CNTN4: variants seen among roughly 807,000 people sequenced by gnomAD.
The protein encoded by CNTN4 is contactin 4.
In CNTN4, 77 loss-of-function variants were observed where a neutral mutation model predicts 122.5. That is an observed-to-expected ratio of 0.63 (90% CI 0.52 to 0.76). CNTN4 has a LOEUF of 0.76. CNTN4 is among the 30% of genes least tolerant of loss of function. CNTN4 has a pLI of 0.00. For synonymous variants in CNTN4, 512 were observed against 447.0 expected, an observed-to-expected ratio of 1.15 and a Z score of -1.83; for missense variants, 1,256 against 1,259.1, an observed-to-expected ratio of 1.00 and a Z score of 0.04.
At chr3:2,133,183 C>T (rs2034530618) in intron 2 of CNTN4, among the ~76,000 whole-genome samples, 1 of 152,124 alleles carries the variant, frequency 6.6e-6, no homozygotes, top group Non-Finnish European at 1.5e-5. Context: ...TCCCTCCTGT[C>T]TGTAATTAAT....
chr3:2,292,031 T>A (rs2042154474), intron 2 of CNTN4, among the ~76,000 whole-genome samples: 1 of 152,174 alleles, frequency 6.6e-6, no homozygotes, highest in Non-Finnish European at 1.5e-5. Flanking sequence ...CCACCGCGCC[T>A]GGCGAACTAT....
At chr3:2,900,629 A>C in intron 10 of CNTN4, 56 bp from the exon 11 acceptor site, 1 of 1,583,894 alleles carries the variant, frequency 6.3e-7, no homozygotes, top group South Asian at 1.1e-5. Flanking sequence ...ATATGATAAA[A>C]ATAGATTGAG....
At chr3:2,730,030 C>T (rs1329518379) in intron 4 of CNTN4, among the ~76,000 whole-genome samples, 1 of 152,234 alleles carries the variant, frequency 6.6e-6, no homozygotes, top group Non-Finnish European at 1.5e-5. Flanking sequence ...ACTCAAGAAT[C>T]TACCTGTTAA....
chr3:2,866,474 A>G (rs988177810), intron 7 of CNTN4: 3 of 1,277,260 alleles, frequency 2.3e-6, no homozygotes, highest in Non-Finnish European at 3.0e-6. Context: ...TTAGCAAACT[A>G]TAAATGCTTA....
chr3:2,620,264 CT>C (rs1276965796), intron 4 of CNTN4, among the ~76,000 whole-genome samples: 11 of 152,108 alleles, frequency 7.2e-5, no homozygotes, highest in Admixed American at 7.2e-4. Context: ...CTTGAGGAAG[CT>C]GAGGTAGGTG....
chr3:2,402,843 C>T (rs2046905395), intron 3 of CNTN4, among the ~76,000 whole-genome samples: 2 of 152,090 alleles, frequency 1.3e-5, no homozygotes, highest in Non-Finnish European at 2.9e-5. Flanking sequence ...GTTCTTTAAG[C>T]AGGTTATACC....
intron 3 of CNTN4, among the ~76,000 whole-genome samples, chr3:2,547,467 T>C (rs924218361): frequency 2.0e-5 from 3 of 152,086 alleles, no homozygotes; most frequent in African/African-American, 4.8e-5. Flanking sequence ...GGTTTCGCCA[T>C]GTTGGCCAGT....
In CNTN4 at chr3:3,056,259, C is replaced by T; in HGVS notation, c.*39C>T. 7.0e-7 allele frequency: 1 copy of T among 1,426,534 alleles called. No homozygotes were observed. The highest frequency in any genetic ancestry group is 9.9e-7 in the Non-Finnish European group (1 of 1,009,304). 88.4% of individuals were successfully genotyped at this position (1,426,534 alleles called of 1,614,324 possible). On this transcript the variant is annotated 3_prime_UTR_variant, in exon 25 of 25. Transcript: ENST00000418658. ...AAGGACTTGCTGTTTATAATATAAG[C>T]AACATTTAGCTAGTTGTTTTGAAGA...
At chr3:2,939,059 A>G (rs1158983202) in intron 13 of CNTN4, among the ~76,000 whole-genome samples, 1 of 152,158 alleles carries the variant, frequency 6.6e-6, no homozygotes, top group Non-Finnish European at 1.5e-5. Flanking sequence ...TCTTAGATGT[A>G]TTGATGCCAT....
intron 11 of CNTN4, 127 bp from the exon 12 acceptor site, chr3:2,902,749 A>C: frequency 2.2e-6 from 2 of 921,350 alleles, no homozygotes; most frequent in South Asian, 1.5e-5. Context: ...AGATCATGTT[A>C]TGTAAATTGC....
At chr3:2,924,532 A>G (rs1218749268) in intron 12 of CNTN4, among the ~76,000 whole-genome samples, 1 of 152,214 alleles carries the variant, frequency 6.6e-6, no homozygotes, top group Non-Finnish European at 1.5e-5. Context: ...TTAACTCAGA[A>G]GAAAATAGAT....
At chr3:3,029,803 G>C (rs748365806) in intron 15 of CNTN4, among the ~76,000 whole-genome samples, 23 of 152,110 alleles carry the variant, frequency 1.5e-4, no homozygotes, top group Non-Finnish European at 3.4e-4. Flanking sequence ...CTGCCTCAGA[G>C]GACATGTGAG....
At chr3:2,209,093 C>G (rs1188893498) in intron 2 of CNTN4, among the ~76,000 whole-genome samples, 1 of 152,104 alleles carries the variant, frequency 6.6e-6, no homozygotes. Flanking sequence ...TAAGCAATAG[C>G]CCCCCAAATC....
chr3:3,019,964 C>G (rs1027468461), intron 14 of CNTN4, among the ~76,000 whole-genome samples: 1 of 151,578 alleles, frequency 6.6e-6, no homozygotes, highest in Admixed American at 6.6e-5. Context: ...GAAATTATTT[C>G]AAAATAAATT....
intron 2 of CNTN4, among the ~76,000 whole-genome samples, chr3:2,218,365 A>G (rs951483671): frequency 2.2e-4 from 34 of 152,136 alleles, no homozygotes; most frequent in Admixed American, 9.2e-4. Context: ...CTTTTAAAGC[A>G]TAAGTCTAGC....
intron 13 of CNTN4, among the ~76,000 whole-genome samples, chr3:2,951,114 G>A (rs569640307): frequency 6.6e-6 from 1 of 152,246 alleles, no homozygotes; most frequent in East Asian, 1.9e-4. Flanking sequence ...TTAGAATTGT[G>A]TCTTTTGTTG....
intron 12 of CNTN4, among the ~76,000 whole-genome samples, chr3:2,909,312 G>A (rs939098284): frequency 1.3e-5 from 2 of 152,072 alleles, no homozygotes; most frequent in Admixed American, 6.6e-5. Flanking sequence ...GATCATATAC[G>A]TACCAGTAGT....
chr3:2,339,350 T>C (rs183246233), intron 3 of CNTN4, 117 bp downstream of exon 3: 1 of 152,234 alleles, frequency 6.6e-6, no homozygotes, highest in East Asian at 1.9e-4. Context: ...GAGATTGTTT[T>C]TGATGTTTTT....
rs148650587 is a variant in CNTN4 at position 2,769,251 on chromosome 3, C to T, written c.358+23554C>T. On this transcript the variant is annotated intron_variant, in intron 6 of 24. Transcript: ENST00000418658. ...GGCCGAGGCGGGCAGATCATGAGGT[C>T]AGGAGTTCAAGACCAGCCTGGCCAA... Among the ~76,000 whole-genome samples the T allele has an allele frequency of 2.9e-3, 434 of 152,132 alleles. 2 individuals carry two copies. Among genetic ancestry groups the T allele is most frequent in the African/African-American group, 0.01 (424 of 41,506 alleles).
Sources: allele counts gnomAD v4.1 joint callset (sites outside exome capture counted in the v4.1 genomes callset), GRCh38; gene constraint gnomAD v4.1.1; transcripts MANE v1.5; gene names NCBI Gene and HGNC (gene_info 2026-07-23, HGNC 2026-07-21).